The following HMCN2 variants were observed in gnomAD, a reference collection of about 807,000 sequenced individuals.
HMCN2 encodes hemicentin 2, also known as hemicentin-2.
A neutral mutation model predicts 377.5 loss-of-function variants in HMCN2; 325 were observed. The observed-to-expected ratio is 0.86, with a 90% CI of 0.79 to 0.94. HMCN2 has a LOEUF of 0.94. Among genes scored for constraint, HMCN2 ranks in the 40% least tolerant of loss-of-function variants. The pLI is 0.00. For synonymous variants in HMCN2, 2,007 were observed against 2,046.8 expected (o/e 0.98, Z 0.53); for missense variants, 4,543 against 4,725.3 (o/e 0.96, Z 1.13).
rs1842584196 is a variant in HMCN2 at position 130,395,916 on chromosome 9, C to A, written c.10912-8C>A. The A allele has an allele frequency of 7.8e-7, 1 of 1,285,504 alleles. No individual in the cohort carries two copies. Among genetic ancestry groups the A allele is most frequent in the African/African-American group, 1.5e-5 (1 of 65,776 alleles). The allele number at this position is 1,285,504 out of a possible 1,614,324, so 79.6% of individuals were successfully genotyped here. ...TAAGGGTCTGTCCACCCTGGCGGGG[C>A]TCTCCAGGAGGACGCCCACACACAA... On this transcript the variant is annotated splice_region_variant and splice_polypyrimidine_tract_variant and intron_variant, in intron 71 of 97. Coordinates refer to ENST00000683500, the MANE Select transcript of HMCN2 (RefSeq NM_001291815.2).
At position 130,266,060 on chromosome 9, in the gene HMCN2, C is replaced by T. The variant is rs533992899; in HGVS notation, c.182C>T (p.Ser61Leu). 4.2e-6 allele frequency: 2 copies of T among 470,864 alleles called. No individual in the cohort carries two copies. The highest frequency in any genetic ancestry group is 3.1e-5 in the South Asian group (2 of 64,574). The allele number at this position is 470,864 out of a possible 1,614,324, so 29.2% of individuals were successfully genotyped here. The change falls in exon 1 of 98, where the codon TCG becomes TTG. Residue 61 changes from serine to leucine, a missense_variant. By Grantham distance (145) the Ser-to-Leu change is moderately radical. Transcript: ENST00000683500. ...CTGATGCAGGTGATCGATGGCGCCTCGCGCATTCTGGAACGCAGTCTGAGC... is the reference window on the plus strand; with the variant it reads ...CTGATGCAGGTGATCGATGGCGCCTTGCGCATTCTGGAACGCAGTCTGAGC... ...DELMQVIDGA[S>L]RILERSLSRR...
At position 130,368,303 on chromosome 9, in the gene HMCN2, G is replaced by C. The variant is rs1840806385; in HGVS notation, c.6653G>C (p.Gly2218Ala). The C allele has an allele frequency of 2.0e-6, 2 of 985,668 alleles. No homozygotes were observed. Among genetic ancestry groups the C allele is most frequent in the Non-Finnish European group, 2.4e-6 (2 of 829,932 alleles). The allele number at this position is 985,668 out of a possible 1,614,324, so 61.1% of individuals were successfully genotyped here. Residue 2218 changes from glycine (G) to alanine (A), a missense_variant, in exon 44 of 98, where the codon GGC becomes GCC. By Grantham distance (60) the Gly-to-Ala change is moderately conservative. Around this residue, in one of 5 missense-constraint regions of HMCN2, gnomAD observed 1,032 missense variants for 1,285.1 expected, o/e 0.80. Coordinates refer to ENST00000683500, the MANE Select transcript of HMCN2 (RefSeq NM_001291815.2). ...CAACCCCTCCCCGGGGAGGGGGCTGGCCTCCAGCACGTGTCGGCTGTGGGG... is the reference window on the plus strand; with the variant it reads ...CAACCCCTCCCCGGGGAGGGGGCTGCCCTCCAGCACGTGTCGGCTGTGGGG... Reference protein sequence around the residue: ...DGQPLPGEGAGLQHVSAVGRL... With the variant: ...DGQPLPGEGAALQHVSAVGRL...
intron 34 of HMCN2, among the ~76,000 whole-genome samples, chr9:130,357,323 TG>T (rs958225156): frequency 8.3e-5 from 11 of 132,208 alleles, no homozygotes; most frequent in African/African-American, 3.0e-4. Flanking sequence ...CATGGGTGGG[TG>T]GGTGGATGGA....
intron 36 of HMCN2, among the ~76,000 whole-genome samples, chr9:130,358,789 T>C (rs1374017594): frequency 6.6e-6 from 1 of 152,078 alleles, no homozygotes; most frequent in Non-Finnish European, 1.5e-5. Context: ...TTCTCCTGCC[T>C]CAGCCTCCCG....
chr9:130,298,771 A>G (rs1401108270), intron 7 of HMCN2, among the ~76,000 whole-genome samples: 1 of 152,152 alleles, frequency 6.6e-6, no homozygotes, highest in Non-Finnish European at 1.5e-5. Flanking sequence ...CAGTGCAGTC[A>G]GAGGGGATGC....
rs139123372 is a variant in HMCN2, at chr9:130,371,197, T to G, written c.7237+66T>G. 1.0e-3 allele frequency: 928 copies of G among 900,060 alleles called. 13 individuals carry two copies. In the African/African-American group the frequency reaches 0.015, roughly 14 times the overall value. The allele number at this position is 900,060 out of a possible 1,614,324, so 55.8% of individuals were successfully genotyped here. ...GGCTCTCTGCCTCTGACTCTATCCA[T>G]TACATGCCCATGACCTCTGACTCTG... On this transcript the variant is annotated intron_variant, in intron 46 of 97. Transcript: ENST00000683500.
chr9:130,396,182 C>T lies in HMCN2; in HGVS notation c.11067C>T (p.Ile3689=). 1 of 1,274,160 alleles carries T rather than the reference C, an allele frequency of 7.8e-7. No homozygotes were observed. The highest frequency in any genetic ancestry group is 1.0e-6 in the Non-Finnish European group (1 of 976,224). 78.9% of individuals were successfully genotyped at this position (1,274,160 alleles called of 1,614,324 possible). A position where few individuals can be genotyped will look rare whatever the true frequency, so the allele number is the denominator to read the frequency against. Residue 3689 remains isoleucine (I), a synonymous_variant, in exon 73 of 98, where the codon ATC becomes ATT. Coordinates refer to ENST00000683500, the MANE Select transcript of HMCN2 (RefSeq NM_001291815.2). ...GCCCCTCCCCAGCGGTGCCCACCAT[C>T]CGGTCAGGACCACCTGCAGTGAACG... ...FRVEIHTVPT[I]RSGPPAVNVS...
chr9:130,388,252 A>G lies in HMCN2; in HGVS notation c.9392-157A>G, dbSNP rs1842122122. On this transcript the variant is annotated intron_variant, in intron 61 of 97. Transcript: ENST00000683500. ...GGAGCTTTGCTTTGTATGCTTTAAA[A>G]TAGCCAGGCACTGGTTCTATTTACA... Among the ~76,000 whole-genome samples, 3 of 152,262 alleles carry G rather than the reference A, an allele frequency of 2.0e-5. No homozygotes were observed. The South Asian group carries it at 6.2e-4, about 32-fold the overall frequency.
At chr9:130,285,059 C>G (rs1295538906) in intron 2 of HMCN2, 99 bp from the exon 3 acceptor site, 1 of 414,016 alleles carries the variant, frequency 2.4e-6, no homozygotes, top group African/African-American at 2.0e-5. Context: ...GGTGACAGTT[C>G]AAGGTGACTC....
chr9:130,408,132 G>A (rs11244208), intron 83 of HMCN2, among the ~76,000 whole-genome samples: 23,840 of 152,102 alleles, frequency 0.16, 2,674 homozygotes, highest in East Asian at 0.5. Flanking sequence ...AGGAGCCCTC[G>A]GTGACAACGT....
Position 130,384,467 on chromosome 9 carries a change from C to A in HMCN2, c.8925C>A (p.Asn2975Lys). 1 of 1,304,274 alleles carries A rather than the reference C, an allele frequency of 7.7e-7. No homozygotes were observed. Among genetic ancestry groups the A allele is most frequent in the Non-Finnish European group, 1.0e-6 (1 of 988,970 alleles). 80.8% of individuals were successfully genotyped at this position (1,304,274 alleles called of 1,614,324 possible). The change falls in exon 58 of 98, where the codon AAC becomes AAA. Residue 2975 changes from asparagine to lysine, a missense_variant. Physicochemically the swap from Asn to Lys is moderately conservative, Grantham distance 94 (BLOSUM62 0). Coordinates refer to ENST00000683500, the MANE Select transcript of HMCN2 (RefSeq NM_001291815.2). ...CTTGCGACGTCCACGCTCACCCAAA[C>A]CCCGAGGTCACGTGGTACAAGGACA... is the stretch of plus-strand genomic sequence containing the variant. The part of the protein sequence containing the change: ...SLPCDVHAHP[N>K]PEVTWYKDSQ...
chr9:130,377,827 G>T (rs954245857), intron 53 of HMCN2, 28 bp downstream of exon 53: 3 of 985,814 alleles, frequency 3.0e-6, no homozygotes, highest in African/African-American at 1.7e-5. Flanking sequence ...GCCAGGGGTG[G>T]GGCGTCAGCC....
chr9:130,362,285 G>A, intron 39 of HMCN2, 120 bp downstream of exon 39: 1 of 613,890 alleles, frequency 1.6e-6, no homozygotes, highest in East Asian at 1.4e-4. Flanking sequence ...AGGGCCGAGG[G>A]CTAGAGGGAG....
intron 37 of HMCN2, 73 bp downstream of exon 37, chr9:130,359,487 A>G (rs933541838): frequency 1.4e-6 from 1 of 725,632 alleles, no homozygotes; most frequent in Admixed American, 2.6e-5. Flanking sequence ...CGAGTGACCC[A>G]GGGACTCTCT....
chr9:130,357,964 G>T lies in HMCN2; in HGVS notation c.5556G>T (p.Leu1852=). The change falls in exon 35 of 98, where the codon CTG becomes CTT. Residue 1852 remains leucine, a synonymous_variant. Coordinates refer to ENST00000683500, the MANE Select transcript of HMCN2 (RefSeq NM_001291815.2). ...SLRWWKDGVA[L]AAFGGNLQIE... ...GTTGGTGGAAGGATGGTGTAGCCCT[G>T]GCAGCCTTTGGGGGGAACCTACAGG... 1 of 1,304,082 alleles carries T rather than the reference G, an allele frequency of 7.7e-7. No homozygotes were observed. The highest frequency in any genetic ancestry group is 2.3e-5 in the Admixed American group (1 of 43,558). The allele number at this position is 1,304,082 out of a possible 1,614,324, so 80.8% of individuals were successfully genotyped here.
At chr9:130,372,190 C>T in intron 46 of HMCN2, 104 bp from the exon 47 acceptor site, 1 of 207,894 alleles carries the variant, frequency 4.8e-6, no homozygotes, top group South Asian at 1.7e-4. Context: ...CAGACATGTA[C>T]ACGCCTAATT....
At position 130,402,902 on chromosome 9, in the gene HMCN2, G is replaced by A; in HGVS notation, c.11878+6G>A. 4 of 1,288,868 alleles carry A rather than the reference G, an allele frequency of 3.1e-6. No individual in the cohort carries two copies. Among genetic ancestry groups the A allele is most frequent in the Non-Finnish European group, 4.0e-6 (4 of 988,540 alleles). The allele number at this position is 1,288,868 out of a possible 1,614,324, so 79.8% of individuals were successfully genotyped here. ...CGTCTTCCTCACTGTGCAAGGTAAG[G>A]GTCCGTGGTCCAGACCCCAGAGTTC... is the stretch of plus-strand genomic sequence containing the variant. On this transcript the variant is annotated splice_donor_region_variant and intron_variant, in intron 78 of 97. Coordinates refer to ENST00000683500, the MANE Select transcript of HMCN2 (RefSeq NM_001291815.2).
In HMCN2 at chr9:130,357,059, A is replaced by T. The variant is rs76868745; in HGVS notation, c.5426-775A>T. 2.0e-3 allele frequency among the ~76,000 whole-genome samples: 214 copies of T among 106,144 alleles called. 1 individual carries two copies. Among genetic ancestry groups the T allele is most frequent in the African/African-American group, 5.5e-3 (117 of 21,230 alleles). 69.6% of individuals were successfully genotyped at this position (106,144 alleles called of 152,430 possible). ...ATGAATGGGTGGACAGATAGAAGGG[A>T]GGATGGATGGATGGATGGATGGATG... On this transcript the variant is annotated intron_variant, in intron 34 of 97. Coordinates refer to ENST00000683500, the MANE Select transcript of HMCN2 (RefSeq NM_001291815.2).
In HMCN2 at chr9:130,364,715, G is replaced by GC; in HGVS notation, c.6239dup (p.Ser2081GlufsTer15). On this transcript the variant is annotated frameshift_variant and splice_region_variant, in exon 41 of 98. Transcript: ENST00000683500. LOFTEE classifies it high-confidence loss of function. ...CCCTTCTCCTGCCCCCTCCTGCAGTGCCCCCGAGTATCCTTGGAGAAGAGC... is the reference window on the plus strand; with the variant it reads ...CCCTTCTCCTGCCCCCTCCTGCAGTGCCCCCCGAGTATCCTTGGAGAAGAGC... 2 of 986,058 alleles carry GC rather than the reference G, an allele frequency of 2.0e-6. No individual in the cohort carries two copies. The highest frequency in any genetic ancestry group is 2.4e-6 in the Non-Finnish European group (2 of 830,124). 61.1% of individuals were successfully genotyped at this position (986,058 alleles called of 1,614,324 possible).
Sources: allele counts gnomAD v4.1 joint callset (sites outside exome capture counted in the v4.1 genomes callset), GRCh38; gene constraint gnomAD v4.1.1; regional missense constraint gnomAD v4.1.1; transcripts MANE v1.5; gene names NCBI Gene and HGNC (gene_info 2026-07-23, HGNC 2026-07-21).